Variants in INSC observed in about 807,000 individuals in gnomAD.
INSC encodes protein inscuteable homolog.
INSC carries 67 observed loss-of-function variants against 58.6 expected under a neutral mutation model. The observed-to-expected ratio is 1.14, with a 90% CI of 0.94 to 1.40. The LOEUF (loss-of-function observed/expected upper bound fraction) is 1.40. Ranked by LOEUF, INSC falls within the 40% of genes most tolerant of loss-of-function variation. The pLI is 0.00. For synonymous variants in INSC, 262 were observed against 276.1 expected, an observed-to-expected ratio of 0.95 and a Z score of 0.51; for missense variants, 714 against 692.0, an observed-to-expected ratio of 1.03 and a Z score of -0.36.
In INSC at chr11:15,158,787, A is replaced by T. The variant is rs150466828; in HGVS notation, c.56+9557A>T. Reference sequence around the variant, plus strand: ...GAGATAATATATAGAGAGGGCTTGGACACTGCCTGACTCCTTGCTGGAACT... The same window carrying T: ...GAGATAATATATAGAGAGGGCTTGGTCACTGCCTGACTCCTTGCTGGAACT... On this transcript the variant is annotated intron_variant, in intron 2 of 12. Coordinates refer to ENST00000379556, the MANE Select transcript of INSC (RefSeq NM_001042536.3). Among the ~76,000 whole-genome samples, 30 of 151,434 alleles carry T rather than the reference A, an allele frequency of 2.0e-4. No homozygotes were observed. The East Asian group carries it at 4.1e-3, about 21-fold the overall frequency.
At chr11:15,265,767 A>T in the INSC span, among the ~76,000 whole-genome samples, 1 of 150,044 alleles carries the variant, frequency 6.7e-6, no homozygotes, top group Non-Finnish European at 1.5e-5. Context: ...ATATTTCATT[A>T]AAAAACTTTA....
chr11:15,240,365 G>A lies in INSC; in HGVS notation c.1394-82G>A, dbSNP rs535735731. On this transcript the variant is annotated intron_variant, in intron 11 of 12. Coordinates refer to ENST00000379556, the MANE Select transcript of INSC (RefSeq NM_001042536.3). ...AGTCCCCTTCTCTGGCAGATTGGGTGTGCAAGGGAGGCCCAGAACCTCTGG... is the reference window on the plus strand; with the variant it reads ...AGTCCCCTTCTCTGGCAGATTGGGTATGCAAGGGAGGCCCAGAACCTCTGG... The A allele has an allele frequency of 7.5e-6, 9 of 1,203,304 alleles. No individual in the cohort carries two copies. The East Asian group carries it at 2.0e-4, about 26-fold the overall frequency. The allele number at this position is 1,203,304 out of a possible 1,614,324, so 74.5% of individuals were successfully genotyped here. A position where few individuals can be genotyped will look rare whatever the true frequency, so the allele number is the denominator to read the frequency against.
At chr11:15,112,690 A>G, upstream of INSC, 1 of 633,776 alleles carries the variant, frequency 1.6e-6, no homozygotes, top group Non-Finnish European at 2.5e-6. Context: ...GGAACATCTA[A>G]CAAACCAAGT....
At chr11:15,247,668 C>A (rs1852603502), downstream of INSC, among the ~76,000 whole-genome samples, 2 of 150,346 alleles carry the variant, frequency 1.3e-5, no homozygotes, top group South Asian at 4.2e-4. Flanking sequence ...AAGAAAATGG[C>A]AGACCTTGGA....
intron 3 of INSC, among the ~76,000 whole-genome samples, chr11:15,176,752 T>C (rs1590402244): frequency 6.6e-6 from 1 of 152,326 alleles, no homozygotes; most frequent in Non-Finnish European, 1.5e-5. Flanking sequence ...TAATTCTCTT[T>C]CATCATTCTC....
At chr11:15,184,063 A>G (rs1849878212) in intron 5 of INSC, among the ~76,000 whole-genome samples, 1 of 152,126 alleles carries the variant, frequency 6.6e-6, no homozygotes, top group African/African-American at 2.4e-5. Flanking sequence ...TGCTTTTTAA[A>G]TTCTCAGTTC....
In INSC at chr11:15,246,146, A is replaced by T; in HGVS notation, c.*106A>T. On this transcript the variant is annotated 3_prime_UTR_variant, in exon 13 of 13. Coordinates refer to ENST00000379556, the MANE Select transcript of INSC (RefSeq NM_001042536.3). Reference sequence around the variant, plus strand: ...CAGCTCTCCTCATCTTCTTATTTATACTTAACTTATTTTTGTGTGAAATAA... The same window carrying T: ...CAGCTCTCCTCATCTTCTTATTTATTCTTAACTTATTTTTGTGTGAAATAA... 1 of 1,216,832 alleles carries T rather than the reference A, an allele frequency of 8.2e-7. No homozygotes were observed. The highest frequency in any genetic ancestry group is 1.5e-5 in the African/African-American group (1 of 66,634). The allele number at this position is 1,216,832 out of a possible 1,614,324, so 75.4% of individuals were successfully genotyped here.
chr11:15,222,536 C>T (rs1564912273), intron 8 of INSC, among the ~76,000 whole-genome samples: 2 of 152,130 alleles, frequency 1.3e-5, no homozygotes, highest in African/African-American at 2.4e-5. Context: ...TTCACTCATC[C>T]ATTCAAGTGG....
chr11:15,113,119 C>CTCTTTCTT (rs746409775), upstream of INSC, among the ~76,000 whole-genome samples: 7,034 of 73,278 alleles, frequency 0.096, 525 homozygotes, highest in Middle Eastern at 0.16. Flanking sequence ...TTCTCTCTCT[C>CTCTTTCTT]TCTTTCTTTC....
chr11:15,130,776 G>A (rs1339319031), intron 1 of INSC, among the ~76,000 whole-genome samples: 1 of 151,936 alleles, frequency 6.6e-6, no homozygotes, highest in Non-Finnish European at 1.5e-5. Flanking sequence ...ATCAATTTTG[G>A]TAAATTTTAT....
At chr11:15,239,174 C>A (rs1852247930) in intron 11 of INSC, 100 bp downstream of exon 11, 2 of 1,421,816 alleles carry the variant, frequency 1.4e-6, no homozygotes, top group African/African-American at 1.4e-5. Context: ...AGGGCAAGAG[C>A]TGGCTGGCAT....
chr11:15,148,521 A>C (rs1395251733), intron 1 of INSC, among the ~76,000 whole-genome samples: 1 of 152,230 alleles, frequency 6.6e-6, no homozygotes, highest in Non-Finnish European at 1.5e-5. Flanking sequence ...CAATCCTGTC[A>C]TGGCTCATTG....
At chr11:15,259,020 A>G in the INSC span, among the ~76,000 whole-genome samples, 1 of 152,174 alleles carries the variant, frequency 6.6e-6, no homozygotes, top group African/African-American at 2.4e-5. Flanking sequence ...TTTGTGTAGC[A>G]GGAAAGAAAA....
chr11:15,146,997 T>G (rs1428481917), intron 1 of INSC, among the ~76,000 whole-genome samples: 3 of 152,222 alleles, frequency 2.0e-5, no homozygotes, highest in Admixed American at 6.5e-5. Flanking sequence ...AGTATTTTCC[T>G]GTCTCCTCTC....
chr11:15,261,435 C>G, the INSC span, among the ~76,000 whole-genome samples: 1 of 152,148 alleles, frequency 6.6e-6, no homozygotes, highest in African/African-American at 2.4e-5. Context: ...TATAAAGTAA[C>G]ACAATATTGA....
At chr11:15,147,256 A>G (rs1848516212) in intron 1 of INSC, among the ~76,000 whole-genome samples, 1 of 152,124 alleles carries the variant, frequency 6.6e-6, no homozygotes, top group African/African-American at 2.4e-5. Flanking sequence ...GGCTCACCAG[A>G]TTCCAAAAAT....
chr11:15,230,007 A>T (rs75501551), intron 9 of INSC, among the ~76,000 whole-genome samples: 2 of 26,406 alleles, frequency 7.6e-5, no homozygotes, highest in African/African-American at 3.3e-4. Flanking sequence ...ATATATATAT[A>T]TATATAATAT....
At chr11:15,226,495 C>A (rs1851644406) in intron 9 of INSC, among the ~76,000 whole-genome samples, 1 of 152,046 alleles carries the variant, frequency 6.6e-6, no homozygotes, top group Non-Finnish European at 1.5e-5. Context: ...AATTTTATAC[C>A]ATTTCACCTC....
intron 12 of INSC, among the ~76,000 whole-genome samples, chr11:15,245,121 A>G (rs544192548): frequency 6.6e-6 from 1 of 152,292 alleles, no homozygotes; most frequent in African/African-American, 2.4e-5. Flanking sequence ...GTGGGAGATA[A>G]ATACCTAAAA....
Sources: gnomAD v4.1 joint callset for allele counts (sites outside exome capture counted in the v4.1 genomes callset) on GRCh38, gnomAD v4.1.1 for gene constraint, MANE v1.5 for transcripts, NCBI Gene and HGNC (gene_info 2026-07-23, HGNC 2026-07-21) for gene names.